The following ADAMTS14 variants were observed in gnomAD, a reference collection of about 807,000 sequenced individuals.
ADAMTS14 encodes A disintegrin and metalloproteinase with thrombospondin motifs 14.
Under a neutral mutation model 128.6 loss-of-function variants are expected in ADAMTS14, and 100 were observed. The observed-to-expected ratio is 0.78, with a 90% CI of 0.66 to 0.92. ADAMTS14 has a LOEUF of 0.92. Among genes scored for constraint, ADAMTS14 ranks in the 40% least tolerant of loss-of-function variants. ADAMTS14 has a pLI of 0.00. For synonymous variants in ADAMTS14, 665 were observed against 653.8 expected (o/e 1.02, Z -0.26); for missense variants, 1,562 against 1,658.6 (o/e 0.94, Z 1.01).
chr10:70,756,460 G>C (rs1045085458), intron 19 of ADAMTS14, among the ~76,000 whole-genome samples: 23 of 152,186 alleles, frequency 1.5e-4, no homozygotes, highest in Non-Finnish European at 2.5e-4. Context: ...TACTGGCCCT[G>C]TCGCAATAAG....
chr10:70,744,766 G>C (rs1193237016), intron 14 of ADAMTS14, among the ~76,000 whole-genome samples: 1 of 152,176 alleles, frequency 6.6e-6, no homozygotes, highest in Non-Finnish European at 1.5e-5. Flanking sequence ...TTGGGGACAA[G>C]GTTGGTGGCT....
At chr10:70,695,851 T>C (rs546205960) in intron 2 of ADAMTS14, among the ~76,000 whole-genome samples, 1 of 152,364 alleles carries the variant, frequency 6.6e-6, no homozygotes, top group African/African-American at 2.4e-5. Flanking sequence ...CCTAAAGCCA[T>C]GGTCCTGGGG....
At chr10:70,685,834 C>T (rs553142883) in intron 2 of ADAMTS14, among the ~76,000 whole-genome samples, 5 of 152,146 alleles carry the variant, frequency 3.3e-5, no homozygotes, top group South Asian at 4.2e-4. Flanking sequence ...GGTGAAGGGG[C>T]CTGGGGGTAC....
At chr10:70,744,864 C>T (rs910493954) in intron 14 of ADAMTS14, among the ~76,000 whole-genome samples, 1 of 152,004 alleles carries the variant, frequency 6.6e-6, no homozygotes, top group Non-Finnish European at 1.5e-5. Flanking sequence ...ATTTAAATCC[C>T]ATCAGTAGCA....
rs544502595 is a variant in ADAMTS14 at position 70,691,391 on chromosome 10, T to G, written c.523-10921T>G. 5.1e-5 allele frequency among the ~76,000 whole-genome samples: 7 copies of G among 136,042 alleles called. 1 individual carries two copies. The highest frequency in any genetic ancestry group is 1.3e-4 in the African/African-American group (5 of 38,180). The allele number at this position is 136,042 out of a possible 152,430, so 89.2% of individuals were successfully genotyped here. On this transcript the variant is annotated intron_variant, in intron 2 of 21. Coordinates refer to ENST00000373207, the MANE Select transcript of ADAMTS14 (RefSeq NM_080722.4). ...CTGTAGTCCCAGCTACTCGGGAAAC[T>G]GAGGCGGGAGAATCGCTTGAACCTG...
intron 4 of ADAMTS14, among the ~76,000 whole-genome samples, chr10:70,716,176 G>A (rs1032059005): frequency 6.6e-6 from 1 of 152,216 alleles, no homozygotes; most frequent in Non-Finnish European, 1.5e-5. Flanking sequence ...GAAAGTGGGT[G>A]AGGAGAGAGG....
chr10:70,692,741 G>T lies in ADAMTS14; in HGVS notation c.523-9571G>T, dbSNP rs187478642. On this transcript the variant is annotated intron_variant, in intron 2 of 21. Coordinates refer to ENST00000373207, the MANE Select transcript of ADAMTS14 (RefSeq NM_080722.4). ...TGCGTATGTTTCTGCCCAGCTGTTTGTCTGCAGGTCTTTTTCACCTTTAAA... is the reference window on the plus strand; with the variant it reads ...TGCGTATGTTTCTGCCCAGCTGTTTTTCTGCAGGTCTTTTTCACCTTTAAA... Among the ~76,000 whole-genome samples, 384 of 152,324 alleles carry T rather than the reference G, an allele frequency of 2.5e-3. 2 individuals carry two copies. The highest frequency in any genetic ancestry group is 8.8e-3 in the African/African-American group (367 of 41,586).
intron 4 of ADAMTS14, among the ~76,000 whole-genome samples, chr10:70,724,797 G>A (rs961745490): frequency 1.5e-4 from 23 of 152,240 alleles, no homozygotes; most frequent in Non-Finnish European, 3.2e-4. Context: ...TTTTTTAATG[G>A]GGTAGAAAGG....
intron 4 of ADAMTS14, among the ~76,000 whole-genome samples, chr10:70,714,754 C>T (rs545873664): frequency 3.3e-5 from 5 of 151,962 alleles, no homozygotes; most frequent in African/African-American, 1.2e-4. Flanking sequence ...TTGAGACCAG[C>T]CTGACCAATA....
intron 2 of ADAMTS14, among the ~76,000 whole-genome samples, chr10:70,689,094 C>G (rs1377270381): frequency 3.2e-5 from 4 of 124,782 alleles, no homozygotes; most frequent in Non-Finnish European, 7.8e-5. Context: ...ACAGCCTGGC[C>G]GACTGCTGGC....
chr10:70,715,626 GT>G (rs1327264210), intron 4 of ADAMTS14, among the ~76,000 whole-genome samples: 1 of 152,150 alleles, frequency 6.6e-6, no homozygotes, highest in Non-Finnish European at 1.5e-5. Flanking sequence ...AGTGGGGAGA[GT>G]AGATGGGAGC....
At chr10:70,752,339 A>C in intron 18 of ADAMTS14, 112 bp downstream of exon 18, 1 of 1,432,998 alleles carries the variant, frequency 7.0e-7, no homozygotes, top group South Asian at 1.4e-5. Flanking sequence ...AGACACGACC[A>C]TACAGGCAAC....
chr10:70,688,370 C>A (rs199890110), intron 2 of ADAMTS14, among the ~76,000 whole-genome samples: 8,112 of 95,184 alleles, frequency 0.085, 922 homozygotes, highest in East Asian at 0.51. Context: ...CAGAGACGCT[C>A]CTCACTTTCC....
At chr10:70,716,133 T>C (rs1841031617) in intron 4 of ADAMTS14, among the ~76,000 whole-genome samples, 1 of 152,194 alleles carries the variant, frequency 6.6e-6, no homozygotes, top group African/African-American at 2.4e-5. Context: ...TGGATAGTCT[T>C]GGTCCTACCT....
chr10:70,675,753 C>G (rs1427507908), intron 2 of ADAMTS14, among the ~76,000 whole-genome samples: 1 of 152,210 alleles, frequency 6.6e-6, no homozygotes, highest in Non-Finnish European at 1.5e-5. Context: ...CTGGGGTTGG[C>G]TCTCATTCCC....
chr10:70,700,343 C>T (rs1200814303), intron 2 of ADAMTS14, among the ~76,000 whole-genome samples: 6 of 152,274 alleles, frequency 3.9e-5, no homozygotes, highest in South Asian at 2.1e-4. Flanking sequence ...CTTTCCTTCC[C>T]GGGTTGGTTT....
At chr10:70,757,139 A>G (rs1056892613) in intron 19 of ADAMTS14, among the ~76,000 whole-genome samples, 1 of 151,950 alleles carries the variant, frequency 6.6e-6, no homozygotes, top group Admixed American at 6.6e-5. Flanking sequence ...ACACTGGGCA[A>G]CGCTGCTTTC....
At chr10:70,675,416 G>T (rs1589252454) in intron 2 of ADAMTS14, among the ~76,000 whole-genome samples, 1 of 152,184 alleles carries the variant, frequency 6.6e-6, no homozygotes, top group East Asian at 1.9e-4. Flanking sequence ...CGTGGCTTCT[G>T]CTCTCCTGGA....
intron 4 of ADAMTS14, among the ~76,000 whole-genome samples, chr10:70,710,863 C>T (rs996754555): frequency 1.3e-5 from 2 of 152,168 alleles, no homozygotes. Flanking sequence ...TTTCTGGGAA[C>T]GGGACAGTTG....
Sources: gnomAD v4.1 joint callset for allele counts (sites outside exome capture counted in the v4.1 genomes callset) on GRCh38, gnomAD v4.1.1 for gene constraint, MANE v1.5 for transcripts, NCBI Gene and HGNC (gene_info 2026-07-23, HGNC 2026-07-21) for gene names.